The following ANXA4 variants were observed in gnomAD, a reference collection of about 807,000 sequenced individuals.
ANXA4 encodes the protein annexin A4, also known as 35-beta calcimedin.
In ANXA4, 39 loss-of-function variants were observed where a neutral mutation model predicts 49.8. The ratio of observed to expected loss-of-function variants is 0.78; its 90% CI spans 0.61 to 1.02. ANXA4 has a LOEUF of 1.02. Ranked by LOEUF, ANXA4 falls within the 50% of genes least tolerant of loss-of-function variation. The pLI is 0.00. For missense variants in ANXA4, 360 were observed against 410.1 expected (o/e 0.88, Z 1.05); for synonymous variants, 134 against 152.5 (o/e 0.88, Z 0.89).
chr2:69,814,609 A>G (rs1429302078), intron 8 of ANXA4, among the ~76,000 whole-genome samples: 1 of 151,974 alleles, frequency 6.6e-6, no homozygotes, highest in African/African-American at 2.4e-5. Context: ...TTGGCCTTCC[A>G]AAGTGCTATG....
intron 6 of ANXA4, 61 bp from the exon 7 acceptor site, chr2:69,810,533 T>A: frequency 7.2e-7 from 1 of 1,383,298 alleles, no homozygotes. Context: ...TGCTCTGGAG[T>A]GTGACAGGGC....
intron 1 of ANXA4, among the ~76,000 whole-genome samples, chr2:69,652,145 C>T (rs547939379): frequency 1.3e-5 from 2 of 152,178 alleles, no homozygotes; most frequent in African/African-American, 4.8e-5. Flanking sequence ...CCCAAGAAGC[C>T]GGGACTACAG....
intron 1 of ANXA4, among the ~76,000 whole-genome samples, chr2:69,754,792 T>G (rs1429864244): frequency 1.3e-5 from 2 of 152,212 alleles, no homozygotes; most frequent in Admixed American, 1.3e-4. Flanking sequence ...TCCAGGTTCT[T>G]TTATGCTCCC....
intron 5 of ANXA4, among the ~76,000 whole-genome samples, chr2:69,807,433 A>ATAT (rs1463857323): frequency 6.6e-6 from 1 of 152,178 alleles, no homozygotes. Context: ...TCCCCACCTT[A>ATAT]GGATGGTTCT....
intron 3 of ANXA4, among the ~76,000 whole-genome samples, chr2:69,790,239 C>G (rs543188922): frequency 6.6e-6 from 1 of 152,094 alleles, no homozygotes; most frequent in Admixed American, 6.6e-5. Context: ...TAACATATTT[C>G]CCCCCTCAGG....
At chr2:69,726,503 A>G (rs1482973393) in intron 3 of ANXA4, among the ~76,000 whole-genome samples, 1 of 152,238 alleles carries the variant, frequency 6.6e-6, no homozygotes, top group Non-Finnish European at 1.5e-5. Flanking sequence ...TTTCGCCTAA[A>G]AGATTGACTT....
intron 1 of ANXA4, among the ~76,000 whole-genome samples, chr2:69,743,605 C>T (rs1486578365): frequency 6.6e-6 from 1 of 152,130 alleles, no homozygotes; most frequent in Admixed American, 6.5e-5. Context: ...GATAAGAAAA[C>T]GGATAACCCC....
intron 1 of ANXA4, among the ~76,000 whole-genome samples, chr2:69,770,863 A>G (rs10209551): frequency 0.36 from 54,081 of 151,346 alleles, 10,940 homozygotes; most frequent in East Asian, 0.62. Context: ...GGTGAGGCAG[A>G]CGATCGCTTG....
At chr2:69,812,512 C>T (rs773018780) in intron 7 of ANXA4, 141 bp from the exon 8 acceptor site, 34 of 647,638 alleles carry the variant, frequency 5.2e-5, no homozygotes, top group African/African-American at 2.7e-4. Context: ...ATTTAGAGGA[C>T]GTCTGTCCTC....
At chr2:69,821,552 C>T (rs532415574) in intron 12 of ANXA4, among the ~76,000 whole-genome samples, 1 of 152,240 alleles carries the variant, frequency 6.6e-6, no homozygotes, top group African/African-American at 2.4e-5. Flanking sequence ...TCACTGCAAC[C>T]TCCACCTCCT....
At chr2:69,817,354 G>A (rs995447409) in intron 9 of ANXA4, 3 of 152,128 alleles carry the variant, frequency 2.0e-5, no homozygotes, top group East Asian at 1.9e-4. Flanking sequence ...AATAACTACC[G>A]TTTTGTTAAT....
intron 2 of ANXA4, among the ~76,000 whole-genome samples, chr2:69,713,328 TG>T (rs2105410806): frequency 6.6e-6 from 1 of 152,258 alleles, no homozygotes; most frequent in South Asian, 2.1e-4. Context: ...CTCCCATTCT[TG>T]TCACTCATTC....
At chr2:69,769,327 T>C (rs762731924) in intron 1 of ANXA4, among the ~76,000 whole-genome samples, 6 of 152,164 alleles carry the variant, frequency 3.9e-5, no homozygotes, top group Non-Finnish European at 5.9e-5. Context: ...GCCCTACCTC[T>C]TAAGACAAGA....
intron 3 of ANXA4, among the ~76,000 whole-genome samples, chr2:69,722,907 T>C (rs994908750): frequency 1.3e-5 from 2 of 148,822 alleles, no homozygotes; most frequent in Non-Finnish European, 3.0e-5. Flanking sequence ...GCATGGTGGC[T>C]CATGCCTGTA....
intron 1 of ANXA4, among the ~76,000 whole-genome samples, chr2:69,651,401 A>G (rs1676224932): frequency 6.6e-6 from 1 of 152,104 alleles, no homozygotes; most frequent in Non-Finnish European, 1.5e-5. Context: ...TACCTTGTCT[A>G]GTTTCTTTTG....
intron 2 of ANXA4, among the ~76,000 whole-genome samples, chr2:69,686,004 G>T (rs1376491290): frequency 2.0e-5 from 3 of 152,260 alleles, no homozygotes; most frequent in African/African-American, 7.2e-5. Flanking sequence ...CCACACAGAT[G>T]CAGTAGATGT....
At chr2:69,785,575 A>G (rs972292024) in intron 2 of ANXA4, among the ~76,000 whole-genome samples, 1 of 151,744 alleles carries the variant, frequency 6.6e-6, no homozygotes, top group East Asian at 1.9e-4. Flanking sequence ...GATGATGATG[A>G]TGATGTTTCT....
At chr2:69,757,264 A>T (rs1452102378) in intron 1 of ANXA4, among the ~76,000 whole-genome samples, 408 of 27,972 alleles carry the variant, frequency 0.015, 6 homozygotes, top group Middle Eastern at 0.022. Context: ...ATATATATAT[A>T]TATTTTTTTT....
At chr2:69,709,347 C>T (rs1034501507) in intron 2 of ANXA4, among the ~76,000 whole-genome samples, 1 of 152,082 alleles carries the variant, frequency 6.6e-6, no homozygotes, top group African/African-American at 2.4e-5. Flanking sequence ...TCTATTCTTC[C>T]CTCCATTTCC....
Sources: allele counts gnomAD v4.1 joint callset (sites outside exome capture counted in the v4.1 genomes callset), GRCh38; gene constraint gnomAD v4.1.1; transcripts MANE v1.5; gene names NCBI Gene and HGNC (gene_info 2026-07-23, HGNC 2026-07-21).